GRB10: variants seen among roughly 807,000 people sequenced by gnomAD.
GRB10 encodes growth factor receptor-bound protein 10.
GRB10 carries 20 observed loss-of-function variants against 80.9 expected under a neutral mutation model. The observed-to-expected ratio is 0.25, with a 90% CI of 0.17 to 0.36. The LOEUF (loss-of-function observed/expected upper bound fraction) is 0.36, where lower values mean the gene tolerates loss of function less well. Among genes scored for constraint, GRB10 ranks in the 10% least tolerant of loss-of-function variants. The probability of loss-of-function intolerance (pLI) is 1.00; values close to 1 mark genes in which losing one functional copy is unlikely to be tolerated. For missense variants in GRB10, 548 were observed against 747.7 expected (o/e 0.73, Z 3.12); for synonymous variants, 291 against 291.5 (o/e 1.00, Z 0.02).
chr7:50,696,927 G>C (rs1353263285), intron 5 of GRB10, among the ~76,000 whole-genome samples: 2 of 152,138 alleles, frequency 1.3e-5, no homozygotes, highest in African/African-American at 4.8e-5. Context: ...TCCCTCAACA[G>C]ATGATGGAAA....
At chr7:50,693,239 C>A (rs1046483805) in intron 5 of GRB10, among the ~76,000 whole-genome samples, 6 of 152,074 alleles carry the variant, frequency 3.9e-5, no homozygotes, top group African/African-American at 1.4e-4. Flanking sequence ...AAAATTTTTT[C>A]TTGATCTATT....
rs527325005 is a variant in GRB10 at position 50,645,137 on chromosome 7, C to T, written c.505-18159G>A. On this transcript the variant is annotated intron_variant, in intron 7 of 18. Transcript: ENST00000401949. The stretch of plus-strand genomic sequence containing the variant: ...AAGATAAAATTTTCACCCTCAAAAT[C>T]CCGATTTATCTCCAAAATATATTTG... Among the ~76,000 whole-genome samples the T allele has an allele frequency of 3.9e-5, 6 of 152,268 alleles. 1 individual carries two copies. Among genetic ancestry groups the T allele is most frequent in the African/African-American group, 1.4e-4 (6 of 41,558 alleles).
chr7:50,603,343 C>T (rs1041082344), intron 17 of GRB10, among the ~76,000 whole-genome samples: 7 of 152,172 alleles, frequency 4.6e-5, no homozygotes, highest in Admixed American at 1.3e-4. Flanking sequence ...CTTTGGTCAA[C>T]GGGATGGTGG....
intron 3 of GRB10, among the ~76,000 whole-genome samples, chr7:50,753,748 G>C (rs887162741): frequency 6.6e-6 from 1 of 152,196 alleles, no homozygotes; most frequent in Non-Finnish European, 1.5e-5. Context: ...AGTGGGAAAC[G>C]AAGTTTTGTT....
chr7:50,699,220 AC>A lies in GRB10; in HGVS notation c.139+4600del, dbSNP rs1464173967. ...TTTGAATAATTATTTGCAAAAAGAC[AC>A]ATATTTCAGTCTTCCTTTCTAATGT... On this transcript the variant is annotated intron_variant, in intron 5 of 18. Transcript: ENST00000401949. 2.0e-5 allele frequency among the ~76,000 whole-genome samples: 3 copies of A among 152,192 alleles called. No homozygotes were observed. The East Asian group carries it at 5.8e-4, about 29-fold the overall frequency.
In GRB10 at chr7:50,592,866, C is replaced by A; in HGVS notation, c.*86G>T. Reference sequence around the variant, plus strand: ...CGCTCTGGGTCCCCAGGTGCAGAATCGATGTGTGTTCTTCACCAACGCACA... The same window carrying A: ...CGCTCTGGGTCCCCAGGTGCAGAATAGATGTGTGTTCTTCACCAACGCACA... On this transcript the variant is annotated 3_prime_UTR_variant, in exon 19 of 19. Coordinates refer to ENST00000401949, the MANE Select transcript of GRB10 (RefSeq NM_001350814.2). 3 of 1,451,284 alleles carry A rather than the reference C, an allele frequency of 2.1e-6. No individual in the cohort carries two copies. The highest frequency in any genetic ancestry group is 9.7e-7 in the Non-Finnish European group (1 of 1,034,418). The allele number at this position is 1,451,284 out of a possible 1,614,324, so 89.9% of individuals were successfully genotyped here.
chr7:50,668,602 T>C (rs796252254), intron 7 of GRB10, among the ~76,000 whole-genome samples: 2 of 152,038 alleles, frequency 1.3e-5, no homozygotes, highest in African/African-American at 4.8e-5. Context: ...AATGAACATA[T>C]AAATAAACAA....
At chr7:50,717,266 G>A (rs2067014098) in intron 4 of GRB10, among the ~76,000 whole-genome samples, 1 of 152,226 alleles carries the variant, frequency 6.6e-6, no homozygotes, top group African/African-American at 2.4e-5. Context: ...ACTCAGAGGT[G>A]AACCTACTCT....
chr7:50,629,617 A>G (rs1417139286), intron 7 of GRB10, among the ~76,000 whole-genome samples: 2 of 152,246 alleles, frequency 1.3e-5, no homozygotes, highest in African/African-American at 4.8e-5. Flanking sequence ...CCCTGTGTAT[A>G]CCAGCCATCT....
At chr7:50,596,833 A>T (rs1330057898) in intron 17 of GRB10, among the ~76,000 whole-genome samples, 2 of 152,016 alleles carry the variant, frequency 1.3e-5, no homozygotes, top group African/African-American at 2.4e-5. Context: ...CAACCTTAAA[A>T]TTTTTTTTTA....
At chr7:50,593,185 G>A in intron 18 of GRB10, 87 bp from the exon 19 acceptor site, 2 of 1,469,206 alleles carry the variant, frequency 1.4e-6, no homozygotes, top group Non-Finnish European at 1.9e-6. Flanking sequence ...AGCTACATCT[G>A]CCCATGATTT....
chr7:50,628,621 G>A (rs2053441837), intron 7 of GRB10, among the ~76,000 whole-genome samples: 1 of 152,142 alleles, frequency 6.6e-6, no homozygotes, highest in Non-Finnish European at 1.5e-5. Flanking sequence ...GCCCTTCTCT[G>A]TGAGGGCAGG....
chr7:50,709,789 G>C (rs1191517517), intron 4 of GRB10, among the ~76,000 whole-genome samples: 2 of 152,208 alleles, frequency 1.3e-5, no homozygotes, highest in Admixed American at 1.3e-4. Context: ...GGTGTGGCTG[G>C]TCCTCACCTT....
At chr7:50,642,611 C>T (rs2056461084) in intron 7 of GRB10, among the ~76,000 whole-genome samples, 1 of 152,104 alleles carries the variant, frequency 6.6e-6, no homozygotes, top group Non-Finnish European at 1.5e-5. Flanking sequence ...AACGGAAACG[C>T]TCATTGGAGC....
intron 5 of GRB10, among the ~76,000 whole-genome samples, chr7:50,687,477 G>T (rs144453141): frequency 3.3e-5 from 5 of 152,184 alleles, no homozygotes; most frequent in African/African-American, 1.2e-4. Flanking sequence ...CGAATTCAAC[G>T]TCTGCCCTGG....
chr7:50,766,128 T>C lies in GRB10; in HGVS notation c.-216-10072A>G, dbSNP rs555141583. Among the ~76,000 whole-genome samples the C allele has an allele frequency of 1.3e-4, 20 of 152,262 alleles. No homozygotes were observed. In the South Asian group the frequency reaches 2.3e-3, roughly 17 times the overall value. The stretch of plus-strand genomic sequence containing the variant: ...AAGATCACAAATTACTCATGCAACT[T>C]TAAAATTTATCTAAGAAAGAATGTT... On this transcript the variant is annotated intron_variant, in intron 2 of 18. Coordinates refer to ENST00000401949, the MANE Select transcript of GRB10 (RefSeq NM_001350814.2).
Position 50,656,707 on chromosome 7 carries a change from G to A in GRB10, c.504+13015C>T, listed in dbSNP as rs909920844. Among the ~76,000 whole-genome samples, 8 of 152,296 alleles carry A rather than the reference G, an allele frequency of 5.3e-5. No individual in the cohort carries two copies. The South Asian group carries it at 8.3e-4, about 16-fold the overall frequency. ...CCAAAGCCACCGTGTGCTACCATGCGGTGCCTCTGAGCCACTCTCTCATTA... is the reference window on the plus strand; with the variant it reads ...CCAAAGCCACCGTGTGCTACCATGCAGTGCCTCTGAGCCACTCTCTCATTA... On this transcript the variant is annotated intron_variant, in intron 7 of 18. Coordinates refer to ENST00000401949, the MANE Select transcript of GRB10 (RefSeq NM_001350814.2).
intron 7 of GRB10, among the ~76,000 whole-genome samples, chr7:50,642,430 TACAC>T (rs1379473254): frequency 2.6e-5 from 4 of 151,972 alleles, no homozygotes; most frequent in Non-Finnish European, 4.4e-5. Context: ...CACAAACACA[TACAC>T]ACATGCACAT....
chr7:50,786,469 G>A (rs2078698808), upstream of GRB10, among the ~76,000 whole-genome samples: 2 of 152,082 alleles, frequency 1.3e-5, no homozygotes, highest in Admixed American at 1.3e-4. Flanking sequence ...TCCTACAAGT[G>A]TCCAGACATG....
Sources: gnomAD v4.1 joint callset for allele counts (sites outside exome capture counted in the v4.1 genomes callset) on GRCh38, gnomAD v4.1.1 for gene constraint, MANE v1.5 for transcripts, NCBI Gene and HGNC (gene_info 2026-07-23, HGNC 2026-07-21) for gene names.